Variants in WDR7 observed in about 807,000 individuals in gnomAD.
WDR7 encodes the protein WD repeat domain 7.
Under a neutral mutation model 169.4 loss-of-function variants are expected in WDR7, and 46 were observed. The observed-to-expected ratio is 0.27, with a 90% CI of 0.21 to 0.35. The LOEUF (loss-of-function observed/expected upper bound fraction) is 0.35, where lower values mean the gene tolerates loss of function less well. Ranked by LOEUF, WDR7 falls within the 10% of genes least tolerant of loss-of-function variation. The pLI, the probability that WDR7 is intolerant of heterozygous loss-of-function variation, is 1.00. For synonymous variants in WDR7, 612 were observed against 666.8 expected (o/e 0.92, Z 1.27); for missense variants, 1,534 against 1,859.3 (o/e 0.83, Z 3.22).
intron 16 of WDR7, among the ~76,000 whole-genome samples, chr18:56,764,178 T>A (rs1033212166): frequency 1.3e-5 from 2 of 152,170 alleles, no homozygotes; most frequent in African/African-American, 4.8e-5. Flanking sequence ...ATGCTACAAA[T>A]TTTCCCCTAA....
chr18:57,018,423 C>A (rs922379204), intron 26 of WDR7, among the ~76,000 whole-genome samples: 3 of 152,204 alleles, frequency 2.0e-5, no homozygotes, highest in African/African-American at 7.2e-5. Context: ...AATAAGTGAG[C>A]TGGGCAGCCT....
chr18:56,790,948 C>T (rs2044475331), intron 19 of WDR7, among the ~76,000 whole-genome samples: 1 of 152,100 alleles, frequency 6.6e-6, no homozygotes, highest in African/African-American at 2.4e-5. Flanking sequence ...AATGCCAACC[C>T]AGTCATCTGT....
chr18:56,959,694 G>T (rs1261821623), intron 25 of WDR7, among the ~76,000 whole-genome samples: 28 of 152,154 alleles, frequency 1.8e-4, no homozygotes, highest in Admixed American at 1.8e-3. Context: ...GGAAAAATCG[G>T]TCATGCAGGA....
intron 14 of WDR7, among the ~76,000 whole-genome samples, chr18:56,739,720 T>C (rs1304609488): frequency 6.6e-6 from 1 of 152,056 alleles, no homozygotes; most frequent in East Asian, 1.9e-4. Context: ...TCTTTTGCAC[T>C]GTAAAGATTT....
chr18:56,694,614 G>T lies in WDR7; in HGVS notation c.967-5G>T. On this transcript the variant is annotated splice_polypyrimidine_tract_variant and splice_region_variant and intron_variant, in intron 9 of 27. Transcript: ENST00000254442. ...CTAAAGATATTCAAATACTTTTTTT[G>T]GCAGTTGCTAATTTGTCCTCCTGTT... 1 of 1,595,822 alleles carries T rather than the reference G, an allele frequency of 6.3e-7. No homozygotes were observed. The highest frequency in any genetic ancestry group is 1.1e-5 in the South Asian group (1 of 87,746).
intron 14 of WDR7, among the ~76,000 whole-genome samples, chr18:56,747,997 AGT>A (rs2043731780): frequency 6.6e-6 from 1 of 151,968 alleles, no homozygotes; most frequent in Non-Finnish European, 1.5e-5. Flanking sequence ...TTCATTTACA[AGT>A]GTGTTAAGGG....
intron 25 of WDR7, among the ~76,000 whole-genome samples, chr18:56,951,894 A>G (rs1465943746): frequency 2.6e-5 from 4 of 152,188 alleles, no homozygotes; most frequent in African/African-American, 9.6e-5. Context: ...ATAACTATCA[A>G]TATTTGCCAT....
intron 26 of WDR7, among the ~76,000 whole-genome samples, chr18:56,977,799 A>G (rs1387887217): frequency 6.6e-6 from 1 of 152,240 alleles, no homozygotes; most frequent in African/African-American, 2.4e-5. Context: ...TCTATCTCAT[A>G]TATACTGAGA....
At chr18:56,654,406 A>G (rs1330345202) in intron 1 of WDR7, among the ~76,000 whole-genome samples, 1 of 152,232 alleles carries the variant, frequency 6.6e-6, no homozygotes. Flanking sequence ...CTGGGATTAC[A>G]GGCATGAGCC....
At chr18:56,792,258 TC>T (rs1286007072) in intron 19 of WDR7, among the ~76,000 whole-genome samples, 2 of 152,154 alleles carry the variant, frequency 1.3e-5, no homozygotes, top group African/African-American at 4.8e-5. Flanking sequence ...GCTCAAGTGA[TC>T]CTCCCTTCTT....
chr18:57,000,009 A>G (rs1211872518), intron 26 of WDR7, among the ~76,000 whole-genome samples: 2 of 152,188 alleles, frequency 1.3e-5, no homozygotes, highest in African/African-American at 4.8e-5. Context: ...GACCTGGAAC[A>G]GTGCTGCAGC....
chr18:56,979,043 A>AT (rs1284685612), intron 26 of WDR7, among the ~76,000 whole-genome samples: 3 of 152,102 alleles, frequency 2.0e-5, no homozygotes, highest in East Asian at 1.9e-4. Context: ...GTGGAATTTG[A>AT]TTTTTTTATT....
At chr18:56,817,628 A>G (rs2045002686) in intron 20 of WDR7, among the ~76,000 whole-genome samples, 1 of 152,140 alleles carries the variant, frequency 6.6e-6, no homozygotes, top group Admixed American at 6.5e-5. Context: ...GATGAAAAAT[A>G]TTATCCAACC....
At chr18:56,953,775 A>G (rs890929833) in intron 25 of WDR7, among the ~76,000 whole-genome samples, 3 of 152,250 alleles carry the variant, frequency 2.0e-5, no homozygotes, top group Admixed American at 6.5e-5. Context: ...CAGAGTTTTC[A>G]AAGATGAGTA....
Position 57,027,332 on chromosome 18 carries a change from G to GGCCA in WDR7, c.*128_*129insAGCC. On this transcript the variant is annotated 3_prime_UTR_variant, in exon 28 of 28. Transcript: ENST00000254442. ...CCACCCCAGTGCCATCCAGTGGCAC[G>GGCCA]GCCGGGTCTTGTCACTTGTGCATGC... 1.6e-6 allele frequency: 2 copies of GGCCA among 1,225,614 alleles called. No homozygotes were observed. Among genetic ancestry groups the GGCCA allele is most frequent in the Non-Finnish European group, 2.2e-6 (2 of 893,202 alleles). The allele number at this position is 1,225,614 out of a possible 1,614,324, so 75.9% of individuals were successfully genotyped here.
In WDR7 at chr18:56,831,483, C is replaced by T. The variant is rs188942018; in HGVS notation, c.3304+15339C>T. On this transcript the variant is annotated intron_variant, in intron 20 of 27. Coordinates refer to ENST00000254442, the MANE Select transcript of WDR7 (RefSeq NM_015285.3). ...GTCTAGGTTCCAGCTGGCAGGGGCCCGAACAAAGGTAGCGCAAGTGCTTGA... is the reference window on the plus strand; with the variant it reads ...GTCTAGGTTCCAGCTGGCAGGGGCCTGAACAAAGGTAGCGCAAGTGCTTGA... 1.1e-3 allele frequency among the ~76,000 whole-genome samples: 161 copies of T among 152,108 alleles called. 1 individual carries two copies. The highest frequency in any genetic ancestry group is 3.5e-3 in the African/African-American group (146 of 41,500).
intron 19 of WDR7, among the ~76,000 whole-genome samples, chr18:56,802,305 G>C (rs1343180733): frequency 1.4e-5 from 2 of 147,876 alleles, no homozygotes; most frequent in African/African-American, 5.2e-5. Flanking sequence ...TCTTACCATA[G>C]TTAGAATTTT....
At chr18:56,928,782 A>G (rs1220199858) in intron 22 of WDR7, among the ~76,000 whole-genome samples, 1 of 152,216 alleles carries the variant, frequency 6.6e-6, no homozygotes, top group Admixed American at 6.5e-5. Context: ...AATGAATCTG[A>G]TAGAGAGATG....
intron 20 of WDR7, among the ~76,000 whole-genome samples, chr18:56,844,068 G>A (rs1233057663): frequency 6.6e-6 from 1 of 151,376 alleles, no homozygotes; most frequent in Non-Finnish European, 1.5e-5. Context: ...TCACCATGTT[G>A]GTCAGGCTGG....
Sources: allele counts gnomAD v4.1 joint callset (sites outside exome capture counted in the v4.1 genomes callset), GRCh38; gene constraint gnomAD v4.1.1; transcripts MANE v1.5; gene names NCBI Gene and HGNC (gene_info 2026-07-23, HGNC 2026-07-21).